Variants in CACNA1C observed in about 807,000 individuals in gnomAD.
CACNA1C encodes voltage-dependent L-type calcium channel subunit alpha-1C.
A neutral mutation model predicts 229.0 loss-of-function variants in CACNA1C; 30 were observed. The ratio of observed to expected loss-of-function variants is 0.13; its 90% CI spans 0.10 to 0.18. The LOEUF (loss-of-function observed/expected upper bound fraction) is 0.18, where lower values mean the gene tolerates loss of function less well. CACNA1C is among the 10% of genes least tolerant of loss of function. The pLI is 1.00. For missense variants in CACNA1C, 1,658 were observed against 2,845.0 expected (o/e 0.58, Z 9.49); for synonymous variants, 1,114 against 1,132.5 (o/e 0.98, Z 0.33).
chr12:2,452,919 G>C (rs74062379), intron 4 of CACNA1C, among the ~76,000 whole-genome samples: 1 of 152,194 alleles, frequency 6.6e-6, no homozygotes, highest in African/African-American at 2.4e-5. Context: ...CTAGGCTTCA[G>C]TGGAAAGAAC....
At chr12:1,993,446 A>G in intron 1 of CACNA1C, 5 of 1,581,098 alleles carry the variant, frequency 3.2e-6, no homozygotes, top group East Asian at 2.2e-5. Context: ...TTAGTATGCT[A>G]TATTTTCAGT....
At chr12:2,554,365 T>C (rs933384309) in intron 10 of CACNA1C, among the ~76,000 whole-genome samples, 5 of 152,124 alleles carry the variant, frequency 3.3e-5, no homozygotes, top group Non-Finnish European at 2.9e-5. Context: ...ACCAGCCTTC[T>C]CTCCCTCCTC....
chr12:2,047,205 T>C (rs2051236787), intron 1 of CACNA1C, among the ~76,000 whole-genome samples: 2 of 152,254 alleles, frequency 1.3e-5, no homozygotes, highest in African/African-American at 4.8e-5. Flanking sequence ...GTTTTGCACC[T>C]GTACAATGGT....
intron 13 of CACNA1C, among the ~76,000 whole-genome samples, chr12:2,573,632 G>A (rs935453440): frequency 2.6e-5 from 4 of 152,158 alleles, no homozygotes; most frequent in Admixed American, 6.5e-5. Flanking sequence ...TCCAAGGGTC[G>A]GGAACAGGGA....
chr12:2,355,089 C>T (rs1252390670), intron 3 of CACNA1C, among the ~76,000 whole-genome samples: 3 of 152,072 alleles, frequency 2.0e-5, no homozygotes, highest in Admixed American at 6.6e-5. Flanking sequence ...CCCGCTTCCC[C>T]GGGTATTTAT....
At chr12:2,101,975 G>C (rs1175489580) in intron 1 of CACNA1C, among the ~76,000 whole-genome samples, 2 of 152,146 alleles carry the variant, frequency 1.3e-5, no homozygotes, top group Non-Finnish European at 2.9e-5. Flanking sequence ...CCTTGGGACA[G>C]TTACGTTTTG....
intron 1 of CACNA1C, among the ~76,000 whole-genome samples, chr12:2,075,517 T>C (rs2062865917): frequency 6.6e-6 from 1 of 152,238 alleles, no homozygotes; most frequent in Non-Finnish European, 1.5e-5. Context: ...AATTTGAACG[T>C]AGGCAGCTTG....
intron 11 of CACNA1C, among the ~76,000 whole-genome samples, chr12:2,557,198 C>T (rs2044841762): frequency 6.6e-6 from 1 of 152,198 alleles, no homozygotes; most frequent in Non-Finnish European, 1.5e-5. Context: ...TTGGACTGTC[C>T]ATCTTTTTGG....
In CACNA1C at chr12:2,067,127, G is replaced by A. The variant is rs1284174027; in HGVS notation, c.49+13516G>A. The stretch of plus-strand genomic sequence containing the variant: ...GCAAAGTGAGACAGCTGCTGACTAG[G>A]TCTGGGGGCAAAGGGTTCTAGCTCT... On this transcript the variant is annotated intron_variant, in intron 1 of 46. Coordinates refer to ENST00000399655, the MANE Select transcript of CACNA1C (RefSeq NM_000719.7). The surrounding 1 kb of genome is among the most constrained non-coding windows in gnomAD (Gnocchi z 5.3). Among the ~76,000 whole-genome samples, 6 of 152,132 alleles carry A rather than the reference G, an allele frequency of 3.9e-5. No homozygotes were observed. The highest frequency in any genetic ancestry group is 7.4e-5 in the Non-Finnish European group (5 of 68,016).
At chr12:2,450,398 CA>C (rs902842047) in intron 4 of CACNA1C, among the ~76,000 whole-genome samples, 1 of 151,530 alleles carries the variant, frequency 6.6e-6, no homozygotes, top group African/African-American at 2.4e-5. Flanking sequence ...ACTAAAAATA[CA>C]AAAACTTAGC....
rs147058405 is a variant in CACNA1C, at chr12:2,229,597, G to A, written c.477+109167G>A. 2.7e-3 allele frequency among the ~76,000 whole-genome samples: 410 copies of A among 152,300 alleles called. 1 individual carries two copies. The highest frequency in any genetic ancestry group is 8.9e-3 in the African/African-American group (368 of 41,560). ...GAAAGGTAAAGCAGGGGAATGGGGT[G>A]TGAGTGGAGGTTTACTTTTAAATAA... On this transcript the variant is annotated intron_variant, in intron 3 of 46. Transcript: ENST00000399655.
Position 2,493,191 on chromosome 12 carries a change from T to C in CACNA1C, c.918T>C (p.Asp306=), listed in dbSNP as rs759705659. The change falls in exon 7 of 47, where the codon GAT becomes GAC. Residue 306 remains aspartate, a splice_region_variant and synonymous_variant. Transcript: ENST00000399655. This position sits in a 1 kb window ranked among gnomAD's most constrained non-coding sequence, Gnocchi z 4.6. ...KTCYNQEGIA[D]VPAEDDPSPC... The stretch of plus-strand genomic sequence containing the variant: ...CCTGTCTTCTTCTGGCCATTTGAGA[T>C]GTTCCAGCAGAAGATGACCCTTCCC... 1 of 1,612,988 alleles carries C rather than the reference T, an allele frequency of 6.2e-7. No individual in the cohort carries two copies. Among genetic ancestry groups the C allele is most frequent in the Non-Finnish European group, 8.5e-7 (1 of 1,179,052 alleles).
chr12:2,585,632 A>T lies in CACNA1C; in HGVS notation c.2460+136A>T. 8.9e-7 allele frequency: 1 copy of T among 1,124,016 alleles called. No individual in the cohort carries two copies. The highest frequency in any genetic ancestry group is 1.3e-6 in the Non-Finnish European group (1 of 793,782). 69.6% of individuals were successfully genotyped at this position (1,124,016 alleles called of 1,614,324 possible). A position where few individuals can be genotyped will look rare whatever the true frequency, so the allele number is the denominator to read the frequency against. ...GTGGAAAGAAAGCCAGTGGGGATGAACAGGAGAGCTGGGAGGGGGAAGATA... is the reference window on the plus strand; with the variant it reads ...GTGGAAAGAAAGCCAGTGGGGATGATCAGGAGAGCTGGGAGGGGGAAGATA... On this transcript the variant is annotated intron_variant, in intron 17 of 46. Coordinates refer to ENST00000399655, the MANE Select transcript of CACNA1C (RefSeq NM_000719.7). The surrounding 1 kb of genome is among the most constrained non-coding windows in gnomAD (Gnocchi z 4.1).
chr12:2,531,722 C>G (rs2099841476), intron 9 of CACNA1C, among the ~76,000 whole-genome samples: 1 of 152,190 alleles, frequency 6.6e-6, no homozygotes, highest in South Asian at 2.1e-4. Flanking sequence ...CCTCGGGGCC[C>G]ACGCTCTCCT....
At chr12:2,446,946 C>G (rs559464215) in intron 3 of CACNA1C, among the ~76,000 whole-genome samples, 115 of 152,180 alleles carry the variant, frequency 7.6e-4, no homozygotes, top group South Asian at 1.5e-3. Context: ...CACCTGACAC[C>G]TAATGGATAC....
intron 3 of CACNA1C, among the ~76,000 whole-genome samples, chr12:2,192,718 C>A (rs2097276199): frequency 6.6e-6 from 1 of 151,504 alleles, no homozygotes; most frequent in Non-Finnish European, 1.5e-5. Flanking sequence ...GGCACTCCCC[C>A]CACTCTCCCC....
At chr12:2,211,063 G>A (rs2154337839) in intron 3 of CACNA1C, among the ~76,000 whole-genome samples, 1 of 152,202 alleles carries the variant, frequency 6.6e-6, no homozygotes, top group East Asian at 1.9e-4. Context: ...GTTAGTGTCA[G>A]GACTGACTTT....
intron 3 of CACNA1C, among the ~76,000 whole-genome samples, chr12:2,433,343 T>C (rs1215360118): frequency 6.6e-6 from 1 of 152,158 alleles, no homozygotes; most frequent in South Asian, 2.1e-4. Flanking sequence ...GGAGCAGTCT[T>C]AGCCTGGGTA....
intron 1 of CACNA1C, among the ~76,000 whole-genome samples, chr12:2,096,782 T>A (rs2074193708): frequency 6.6e-6 from 1 of 152,208 alleles, no homozygotes. Context: ...TTCTACTTTC[T>A]CTCTTTACAA....
Sources: allele counts gnomAD v4.1 joint callset (sites outside exome capture counted in the v4.1 genomes callset), GRCh38; gene constraint gnomAD v4.1.1; non-coding constraint Gnocchi (gnomAD v3.1); transcripts MANE v1.5; gene names NCBI Gene and HGNC (gene_info 2026-07-23, HGNC 2026-07-21).